ZPBP: variants seen among roughly 807,000 people sequenced by gnomAD.
ZPBP encodes the protein zona pellucida-binding protein 1.
A neutral mutation model predicts 44.8 loss-of-function variants in ZPBP; 26 were observed. The observed-to-expected ratio is 0.58, with a 90% CI of 0.43 to 0.81. ZPBP has a LOEUF of 0.81. ZPBP is among the 30% of genes least tolerant of loss of function. ZPBP has a pLI of 0.00. For synonymous variants in ZPBP, 174 were observed against 153.2 expected, an observed-to-expected ratio of 1.14 and a Z score of -1.00; for missense variants, 409 against 434.0, an observed-to-expected ratio of 0.94 and a Z score of 0.51.
intron 2 of ZPBP, among the ~76,000 whole-genome samples, chr7:49,870,211 T>C (rs1791086526): frequency 6.6e-6 from 1 of 152,020 alleles, no homozygotes; most frequent in Admixed American, 6.6e-5. Context: ...CCATCCTGGC[T>C]AAGACAGTGA....
At chr7:49,874,985 G>A (rs79548349) in intron 2 of ZPBP, among the ~76,000 whole-genome samples, 4,927 of 151,894 alleles carry the variant, frequency 0.032, 249 homozygotes, top group African/African-American at 0.11. Context: ...TAGTTTCATC[G>A]TTTCCAATGG....
chr7:49,854,116 G>T (rs566788099), intron 2 of ZPBP, among the ~76,000 whole-genome samples: 2,034 of 152,096 alleles, frequency 0.013, 36 homozygotes, highest in African/African-American at 0.046. Context: ...GTCTATCATT[G>T]ATGGACATTT....
intron 7 of ZPBP, among the ~76,000 whole-genome samples, chr7:49,964,791 G>A (rs1795995842): frequency 6.6e-6 from 1 of 152,124 alleles, no homozygotes; most frequent in African/African-American, 2.4e-5. Flanking sequence ...TAATTCAGCA[G>A]TGGGGTCTGA....
intron 3 of ZPBP, among the ~76,000 whole-genome samples, chr7:50,073,320 T>G (rs1187210719): frequency 6.6e-6 from 1 of 151,808 alleles, no homozygotes; most frequent in Non-Finnish European, 1.5e-5. Flanking sequence ...AAAGAATTAG[T>G]GAGCTTGAAA....
chr7:49,923,622 T>A lies in ZPBP; in HGVS notation n.411+12129A>T, dbSNP rs563797130. Among the ~76,000 whole-genome samples, 138 of 152,144 alleles carry A rather than the reference T, an allele frequency of 9.1e-4. 3 individuals carry two copies. In the South Asian group the frequency reaches 0.028, roughly 31 times the overall value. ...TTTTAAATATGAAAACTTCTTCTTCTTCTTCTAATAGTCATTATTCATTTA... is the reference window on the plus strand; with the variant it reads ...TTTTAAATATGAAAACTTCTTCTTCATCTTCTAATAGTCATTATTCATTTA... On this transcript the variant is annotated intron_variant and non_coding_transcript_variant, in intron 1 of 2. Transcript: ENST00000465922.
At chr7:49,891,628 A>C (rs555290714) in intron 2 of ZPBP, among the ~76,000 whole-genome samples, 1 of 152,318 alleles carries the variant, frequency 6.6e-6, no homozygotes, top group African/African-American at 2.4e-5. Context: ...AAAAACAGCA[A>C]TAATACCAAC....
chr7:49,979,858 A>AT (rs1562816739), intron 7 of ZPBP, among the ~76,000 whole-genome samples: 36 of 5,890 alleles, frequency 6.1e-3, no homozygotes, highest in Admixed American at 0.016. Context: ...AAATATATAT[A>AT]ATATAATATA....
intron 5 of ZPBP, among the ~76,000 whole-genome samples, chr7:50,026,626 C>G (rs549323765): frequency 6.6e-6 from 1 of 151,878 alleles, no homozygotes; most frequent in Non-Finnish European, 1.5e-5. Flanking sequence ...CTAAGATGGA[C>G]CCCAAGGTTA....
At chr7:49,985,488 T>A (rs1177071013) in intron 6 of ZPBP, among the ~76,000 whole-genome samples, 1 of 152,092 alleles carries the variant, frequency 6.6e-6, no homozygotes, top group Non-Finnish European at 1.5e-5. Context: ...ATACTTCTGG[T>A]TCCAACCATT....
intron 2 of ZPBP, among the ~76,000 whole-genome samples, chr7:49,852,663 G>A (rs1166612206): frequency 3.3e-5 from 5 of 151,796 alleles, no homozygotes; most frequent in Non-Finnish European, 7.4e-5. Flanking sequence ...TCTTCAGAAA[G>A]AGCCCTACCA....
chr7:49,957,889 T>A (rs1795680443), intron 7 of ZPBP, among the ~76,000 whole-genome samples: 1 of 152,178 alleles, frequency 6.6e-6, no homozygotes, highest in South Asian at 2.1e-4. Flanking sequence ...AGAGCTGTTG[T>A]TTGAGCTATG....
At chr7:50,001,697 T>C (rs1798100926) in intron 6 of ZPBP, among the ~76,000 whole-genome samples, 1 of 152,194 alleles carries the variant, frequency 6.6e-6, no homozygotes, top group African/African-American at 2.4e-5. Flanking sequence ...GTGAGGTGTC[T>C]GAATACTTTA....
At chr7:50,019,265 T>G (rs944715073) in intron 5 of ZPBP, among the ~76,000 whole-genome samples, 2 of 152,124 alleles carry the variant, frequency 1.3e-5, no homozygotes, top group African/African-American at 4.8e-5. Context: ...ACTTGGATGC[T>G]ATCCATTCGC....
At chr7:50,035,778 T>C (rs1215623514) in intron 4 of ZPBP, among the ~76,000 whole-genome samples, 2 of 151,818 alleles carry the variant, frequency 1.3e-5, no homozygotes, top group Admixed American at 6.6e-5. Flanking sequence ...CAAAGAAGTA[T>C]ATGTACATTA....
chr7:49,856,421 C>T (rs1176158937), intron 2 of ZPBP, among the ~76,000 whole-genome samples: 1 of 152,172 alleles, frequency 6.6e-6, no homozygotes, highest in Admixed American at 6.5e-5. Flanking sequence ...CTGAGGTTCA[C>T]CAGAAAAAGA....
At chr7:49,944,525 G>A (rs1409197966) in intron 7 of ZPBP, 1 of 155,230 alleles carries the variant, frequency 6.4e-6, no homozygotes, top group Admixed American at 6.5e-5. Flanking sequence ...TGGCTGAAGT[G>A]ACCTGTTTTA....
At chr7:49,884,425 G>T (rs1190184355) in intron 2 of ZPBP, among the ~76,000 whole-genome samples, 1 of 152,138 alleles carries the variant, frequency 6.6e-6, no homozygotes, top group Non-Finnish European at 1.5e-5. Flanking sequence ...TAAAATTGGG[G>T]GATTCACATA....
intron 7 of ZPBP, among the ~76,000 whole-genome samples, chr7:49,952,981 A>G (rs906461723): frequency 3.9e-5 from 6 of 152,232 alleles, no homozygotes; most frequent in Non-Finnish European, 7.4e-5. Context: ...CATGGAAAAA[A>G]TGGCTTTCAA....
chr7:50,001,056 C>T (rs571765266), intron 6 of ZPBP, among the ~76,000 whole-genome samples: 1 of 152,180 alleles, frequency 6.6e-6, no homozygotes, highest in South Asian at 2.1e-4. Context: ...ATAGACAGGC[C>T]CTTGGCAGAA....
Sources: gnomAD v4.1 joint callset for allele counts (sites outside exome capture counted in the v4.1 genomes callset) on GRCh38, gnomAD v4.1.1 for gene constraint, MANE v1.5 for transcripts, NCBI Gene and HGNC (gene_info 2026-07-23, HGNC 2026-07-21) for gene names.